Variants in COL6A2 observed in about 807,000 individuals in gnomAD.
COL6A2 encodes the protein collagen alpha-2(VI) chain.
COL6A2 carries 90 observed loss-of-function variants against 124.9 expected under a neutral mutation model. The observed-to-expected ratio is 0.72, with a 90% confidence interval of 0.61 to 0.86. The LOEUF (loss-of-function observed/expected upper bound fraction) is 0.86. Ranked by LOEUF, COL6A2 falls within the 40% of genes least tolerant of loss-of-function variation. COL6A2 has a pLI of 0.00. For missense variants in COL6A2, 1,607 were observed against 1,502.5 expected (o/e 1.07, Z -1.15); for synonymous variants, 793 against 618.2 (o/e 1.28, Z -4.19).
chr21:46,132,198 C>A lies in COL6A2; in HGVS notation c.2706C>A (p.His902Gln). 1.3e-6 allele frequency: 2 copies of A among 1,580,216 alleles called. No individual in the cohort carries two copies. Among genetic ancestry groups the A allele is most frequent in the Non-Finnish European group, 1.7e-6 (2 of 1,164,292 alleles). Residue 902 changes from histidine to glutamine, a missense_variant, in exon 28 of 28, where the codon CAC (histidine) becomes CAA (glutamine). His to Gln is a conservative substitution (Grantham distance 24). Transcript: ENST00000300527. Reference protein sequence around the residue: ...FPLSHNLTAIHEALETTQYLN... With the variant: ...FPLSHNLTAIQEALETTQYLN... ...TGAGCCACAACCTCACGGCCATCCA[C>A]GAGGCGCTGGAGACCACACAATACC...
At chr21:46,123,494 G>A (rs543784289) in intron 21 of COL6A2, among the ~76,000 whole-genome samples, 28 of 152,250 alleles carry the variant, frequency 1.8e-4, no homozygotes, top group African/African-American at 6.5e-4. Context: ...CAAAACAAGG[G>A]ATGGATAACG....
At chr21:46,122,251 CTG>C in intron 19 of COL6A2, 93 bp downstream of exon 19, 1 of 1,437,610 alleles carries the variant, frequency 7.0e-7, no homozygotes. Context: ...AAGGCCTCCT[CTG>C]TGCAGAAGAA....
rs2078470720 is a variant in COL6A2 at position 46,116,394 on chromosome 21, A to C, written c.918A>C (p.Lys306Asn). The change falls in exon 8 of 28, where the codon AAA becomes AAC. Residue 306 changes from lysine (K) to asparagine (N), a missense_variant. Coordinates refer to ENST00000300527, the MANE Select transcript of COL6A2 (RefSeq NM_001849.4). This position sits in a 1 kb window ranked among gnomAD's most constrained non-coding sequence, Gnocchi z 4.6. ...FPGPKGVPGF[K>N]GEKGEFGADG... ...GCCCCCAGGGCGTTCCTGGCTTCAAAGGAGAGAAGGTGAGGCTCTTGCCCT... is the reference window on the plus strand; with the variant it reads ...GCCCCCAGGGCGTTCCTGGCTTCAACGGAGAGAAGGTGAGGCTCTTGCCCT... The C allele has an allele frequency of 6.2e-7, 1 of 1,612,868 alleles. No individual in the cohort carries two copies. Among genetic ancestry groups the C allele is most frequent in the Middle Eastern group, 1.6e-4 (1 of 6,062 alleles).
chr21:46,107,544 C>A (rs1342367801), intron 1 of COL6A2, among the ~76,000 whole-genome samples: 1 of 152,178 alleles, frequency 6.6e-6, no homozygotes, highest in Non-Finnish European at 1.5e-5. Flanking sequence ...TCCAGGCCCT[C>A]CCAATTCTGA....
Position 46,127,032 on chromosome 21 carries a change from G to A in COL6A2, c.2461+491G>A, listed in dbSNP as rs1026671845. ...GGCTCTCACATCTCTGGGAGTGGGG[G>A]AGCCCATGTCCCGGATGTGGCCCAC... On this transcript the variant is annotated intron_variant, in intron 27 of 27. Transcript: ENST00000300527. Among the ~76,000 whole-genome samples the A allele has an allele frequency of 7.9e-5, 12 of 152,222 alleles. No homozygotes were observed. The East Asian group carries it at 1.5e-3, about 20-fold the overall frequency.
At position 46,124,639 on chromosome 21, in the gene COL6A2, G is replaced by A. The variant is rs113857622; in HGVS notation, c.1672-12G>A. The A allele has an allele frequency of 1.8e-3, 2,886 of 1,612,802 alleles. 37 individuals are homozygous for A. The African/African-American group carries it at 0.031, about 17-fold the overall frequency. On this transcript the variant is annotated splice_polypyrimidine_tract_variant and intron_variant, in intron 21 of 27. Transcript: ENST00000300527. ...GGGCCACTGAAGCCCACCTGTTCTT[G>A]TTCCTTCTCAGGCGGATCCTGGTCC...
rs61735835 is a variant in COL6A2 at position 46,115,902 on chromosome 21, G to A, written c.832G>A (p.Glu278Lys). The change falls in exon 6 of 28, where the codon GAG (glutamate) becomes AAG (lysine). Residue 278 changes from glutamate to lysine, a missense_variant. Coordinates refer to ENST00000300527, the MANE Select transcript of COL6A2 (RefSeq NM_001849.4). Reference sequence around the variant, plus strand: ...CAAGGGCAACATGGGTGAGCCGGGAGAGCCTGGCCAGAAGGGAAGACAGGT... The same window carrying A: ...CAAGGGCAACATGGGTGAGCCGGGAAAGCCTGGCCAGAAGGGAAGACAGGT... ...GAKGNMGEPG[E>K]PGQKGRQGDP... 2,791 of 1,612,902 alleles carry A rather than the reference G, an allele frequency of 1.7e-3. 39 individuals are homozygous for A. The African/African-American group carries it at 0.032, about 18-fold the overall frequency.
chr21:46,129,535 C>T, intron 27 of COL6A2: 2 of 1,515,374 alleles, frequency 1.3e-6, no homozygotes, highest in African/African-American at 1.4e-5. Context: ...CCCTGCCACA[C>T]TAGCTTCCCA....
chr21:46,104,171 GA>G (rs35738856), intron 1 of COL6A2, among the ~76,000 whole-genome samples: 71,441 of 150,514 alleles, frequency 0.47, 17,680 homozygotes, highest in Admixed American at 0.58. Context: ...TATTTCAAAG[GA>G]AAAAAAAACA....
At chr21:46,125,187 GA>G in intron 23 of COL6A2, 78 bp from the exon 24 acceptor site, 1 of 1,388,658 alleles carries the variant, frequency 7.2e-7, no homozygotes, top group Non-Finnish European at 1.0e-6. Context: ...AATGTCCCGG[GA>G]CCCCCAGGCC....
At chr21:46,130,285 C>T (rs758048438) in intron 27 of COL6A2, among the ~76,000 whole-genome samples, 7 of 152,248 alleles carry the variant, frequency 4.6e-5, no homozygotes, top group Non-Finnish European at 7.3e-5. Context: ...CCACCAGGCA[C>T]AACCTCTGCG....
chr21:46,122,866 C>T lies in COL6A2; in HGVS notation c.1609-9C>T, dbSNP rs1468862756. 11 of 1,612,950 alleles carry T rather than the reference C, an allele frequency of 6.8e-6. No homozygotes were observed. Among genetic ancestry groups the T allele is most frequent in the Non-Finnish European group, 9.3e-6 (11 of 1,179,778 alleles). On this transcript the variant is annotated splice_polypyrimidine_tract_variant and intron_variant, in intron 20 of 27. Coordinates refer to ENST00000300527, the MANE Select transcript of COL6A2 (RefSeq NM_001849.4). ...TCTGTCCCAGGCTAACATGTGTTCC[C>T]TGTCACAGGGAGGCCGAGGCGACTT...
chr21:46,121,044 C>G lies in COL6A2; in HGVS notation c.1396-17C>G, dbSNP rs768172029. On this transcript the variant is annotated splice_polypyrimidine_tract_variant and intron_variant, in intron 16 of 27. Transcript: ENST00000300527. ...CTGTCAGTCAAGAGAACCCCAAATT[C>G]CTCCCCTTTCTTCCAGGGAGACCGA... The G allele has an allele frequency of 1.9e-6, 3 of 1,612,422 alleles. No homozygotes were observed. The East Asian group carries it at 6.7e-5, about 36-fold the overall frequency.
chr21:46,130,673 CA>C lies in COL6A2; in HGVS notation c.2462-1280del, dbSNP rs1469160957. Among the ~76,000 whole-genome samples, 3 of 152,358 alleles carry C rather than the reference CA, an allele frequency of 2.0e-5. 1 individual carries two copies. In the East Asian group the frequency reaches 5.8e-4, roughly 29 times the overall value. On this transcript the variant is annotated intron_variant, in intron 27 of 27. Transcript: ENST00000300527. ...ATGAATGGACAGAGACCCCCAAAAC[CA>C]GCTGCCCCTTGCATGTCTGTCTCCA...
intron 27 of COL6A2, 94 bp downstream of exon 27, chr21:46,126,635 A>C: frequency 2.1e-6 from 3 of 1,430,544 alleles, no homozygotes; most frequent in Non-Finnish European, 2.9e-6. Context: ...GGGGCCGTGC[A>C]GGGACCCGGG....
intron 4 of COL6A2, 86 bp from the exon 5 acceptor site, chr21:46,113,922 C>G: frequency 8.9e-7 from 1 of 1,123,444 alleles, no homozygotes; most frequent in South Asian, 1.2e-5. Flanking sequence ...TGCTGAGAGT[C>G]GTGGGCTACA....
chr21:46,129,919 G>C, intron 27 of COL6A2: 1 of 896,808 alleles, frequency 1.1e-6, no homozygotes, highest in Non-Finnish European at 1.3e-6. Context: ...CGTGCGTCTG[G>C]GATGGGGCTG....
intron 20 of COL6A2, 91 bp from the exon 21 acceptor site, chr21:46,122,784 G>A: frequency 1.5e-6 from 2 of 1,344,994 alleles, no homozygotes; most frequent in South Asian, 2.4e-5. Flanking sequence ...ACCCCAAAAT[G>A]CCAGATCGAT....
chr21:46,112,527 G>T lies in COL6A2; in HGVS notation c.664G>T (p.Asp222Tyr). The T allele has an allele frequency of 6.2e-7, 1 of 1,611,898 alleles. No individual in the cohort carries two copies. Among genetic ancestry groups the T allele is most frequent in the Non-Finnish European group, 8.5e-7 (1 of 1,179,816 alleles). ...CAACGACTACGCCACCATGCTGCCC[G>T]ACTCCACCGAGATCGACCAGGACAC... is the stretch of plus-strand genomic sequence containing the variant. The part of the protein sequence containing the change: ...YRNDYATMLP[D>Y]STEIDQDTIN... Residue 222 changes from aspartate to tyrosine, a missense_variant, in exon 3 of 28, where the codon GAC becomes TAC. Physicochemically the swap from Asp to Tyr is radical, Grantham distance 160. Coordinates refer to ENST00000300527, the MANE Select transcript of COL6A2 (RefSeq NM_001849.4).
Sources: allele counts gnomAD v4.1 joint callset (sites outside exome capture counted in the v4.1 genomes callset), GRCh38; gene constraint gnomAD v4.1.1; non-coding constraint Gnocchi (gnomAD v3.1); transcripts MANE v1.5; gene names NCBI Gene and HGNC (gene_info 2026-07-23, HGNC 2026-07-21).